LIMK2: variants seen among roughly 807,000 people sequenced by gnomAD.
The protein encoded by LIMK2 is LIM domain kinase 2.
LIMK2 carries 35 observed loss-of-function variants against 75.7 expected under a neutral mutation model. That is an observed-to-expected ratio of 0.46 (90% CI 0.35 to 0.61). The LOEUF is 0.61. Among genes scored for constraint, LIMK2 ranks in the 20% least tolerant of loss-of-function variants. LIMK2 has a pLI of 0.00. For missense variants in LIMK2, 623 were observed against 831.0 expected (o/e 0.75, Z 3.08); for synonymous variants, 301 against 319.2 (o/e 0.94, Z 0.61).
intron 11 of LIMK2, among the ~76,000 whole-genome samples, chr22:31,269,786 AAAG>A (rs1380235358): frequency 6.6e-6 from 1 of 151,974 alleles, no homozygotes; most frequent in Non-Finnish European, 1.5e-5. Flanking sequence ...AAAAAAAAAA[AAAG>A]AGAGACTGAT....
intron 10 of LIMK2, 83 bp from the exon 11 acceptor site, chr22:31,268,061 G>C: frequency 6.5e-7 from 1 of 1,527,918 alleles, no homozygotes; most frequent in South Asian, 1.1e-5. Context: ...AGGCTTCACT[G>C]GGAGACCACA....
chr22:31,254,211 A>C (rs942902648), intron 2 of LIMK2, among the ~76,000 whole-genome samples: 2 of 152,246 alleles, frequency 1.3e-5, no homozygotes, highest in African/African-American at 4.8e-5. Context: ...AGCTACTTGC[A>C]GCAAACAAAA....
rs1045534999 is a variant in LIMK2 at position 31,277,262 on chromosome 22, G to C, written c.1773-1035G>C. The C allele has an allele frequency of 3.3e-5, 50 of 1,524,746 alleles. No homozygotes were observed. The Admixed American group carries it at 9.7e-4, about 30-fold the overall frequency. The allele number at this position is 1,524,746 out of a possible 1,614,324, so 94.5% of individuals were successfully genotyped here. The stretch of plus-strand genomic sequence containing the variant: ...TGGTTCCATGAGCAGGGCTCCTCGT[G>C]CCCCTGGCCCAGGGGTCTCTTCCCC... On this transcript the variant is annotated intron_variant, in intron 15 of 15. Transcript: ENST00000331728.
intron 11 of LIMK2, among the ~76,000 whole-genome samples, chr22:31,268,567 G>A (rs548949046): frequency 3.4e-4 from 51 of 152,226 alleles, no homozygotes; most frequent in Admixed American, 8.5e-4. Flanking sequence ...GAGTTCTAGC[G>A]GAGCCCTGAA....
chr22:31,276,662 A>G (rs1354256462), intron 15 of LIMK2: 2 of 1,029,256 alleles, frequency 1.9e-6, no homozygotes, highest in Non-Finnish European at 2.3e-6. Flanking sequence ...GAGGGGCCCC[A>G]CGCGCGCACG....
intron 2 of LIMK2, among the ~76,000 whole-genome samples, chr22:31,245,087 C>T (rs2048656440): frequency 6.6e-6 from 1 of 152,180 alleles, no homozygotes; most frequent in Non-Finnish European, 1.5e-5. Flanking sequence ...AGGGTGAGCA[C>T]CTGTTCAGTG....
chr22:31,272,623 C>A lies in LIMK2; in HGVS notation c.1477C>A (p.Arg493Ser). ...APMEKATTKK[R>S]TLRKNDRKKR... is the part of the protein sequence containing the mutation. ...CATGGAGAAGGCCACCACCAAGAAA[C>A]GCACCTTGCGCAAGAACGACCGCAA... is the stretch of plus-strand genomic sequence containing the variant. Residue 493 changes from arginine (R) to serine (S), a missense_variant, in exon 13 of 16, where the codon CGC becomes AGC. This residue lies in a region of LIMK2 where 514 missense variants were observed against 661.3 expected (regional missense o/e 0.78). Coordinates refer to ENST00000331728, the MANE Select transcript of LIMK2 (RefSeq NM_005569.4). The A allele has an allele frequency of 6.2e-7, 1 of 1,614,042 alleles. No individual in the cohort carries two copies. The highest frequency in any genetic ancestry group is 8.5e-7 in the Non-Finnish European group (1 of 1,179,986).
At chr22:31,246,468 ATAATGACACAAT>A (rs2048671236) in intron 2 of LIMK2, among the ~76,000 whole-genome samples, 1 of 152,168 alleles carries the variant, frequency 6.6e-6, no homozygotes, top group Admixed American at 6.5e-5. Context: ...CTTTTGCCCT[ATAATGACACAAT>A]TGAGTGGCCA....
chr22:31,255,633 C>G (rs1288121325), intron 2 of LIMK2, among the ~76,000 whole-genome samples: 1 of 152,192 alleles, frequency 6.6e-6, no homozygotes, highest in African/African-American at 2.4e-5. Flanking sequence ...GGCCTCTCAC[C>G]TTGCATTGTT....
intron 2 of LIMK2, among the ~76,000 whole-genome samples, chr22:31,247,196 A>T (rs1387285565): frequency 6.6e-6 from 1 of 151,470 alleles, no homozygotes; most frequent in African/African-American, 2.4e-5. Context: ...CACTGCCCCA[A>T]ATCCAGTAGT....
chr22:31,266,050 G>C lies in LIMK2; in HGVS notation c.959G>C (p.Ser320Thr), dbSNP rs781371685. ...TCAGAATCCCTTCGTTGTTCCAGCA[G>C]CTATTCACAGCAGATCTTCCGGCCC... ...SRSESLRCSS[S>T]YSQQIFRPCD... The change falls in exon 8 of 16, where the codon AGC (serine) becomes ACC (threonine). Residue 320 changes from serine to threonine, a missense_variant. Transcript: ENST00000331728. The C allele has an allele frequency of 6.2e-7, 1 of 1,614,238 alleles. No homozygotes were observed. The highest frequency in any genetic ancestry group is 8.5e-7 in the Non-Finnish European group (1 of 1,180,038).
chr22:31,275,465 A>G (rs2049004201), intron 15 of LIMK2, 157 bp downstream of exon 15: 2 of 669,530 alleles, frequency 3.0e-6, no homozygotes, highest in Admixed American at 5.7e-5. Flanking sequence ...ACACATATGT[A>G]CAGGTTGGAG....
At position 31,259,880 on chromosome 22, in the gene LIMK2, TC is replaced by T; in HGVS notation, c.363-8del. On this transcript the variant is annotated splice_polypyrimidine_tract_variant and splice_region_variant and intron_variant, in intron 4 of 15. Coordinates refer to ENST00000331728, the MANE Select transcript of LIMK2 (RefSeq NM_005569.4). ...TAGCATCTTATTCCCCCCTGTGCCC[TC>T]TCCCCAGTGGGAAGTGCCACAATGA... The T allele has an allele frequency of 6.2e-7, 1 of 1,600,106 alleles. No homozygotes were observed. The highest frequency in any genetic ancestry group is 8.5e-7 in the Non-Finnish European group (1 of 1,175,786).
In LIMK2 at chr22:31,275,264, C is replaced by T; in HGVS notation, c.1728C>T (p.Phe576=). 1 of 1,614,240 alleles carries T rather than the reference C, an allele frequency of 6.2e-7. No individual in the cohort carries two copies. The highest frequency in any genetic ancestry group is 8.5e-7 in the Non-Finnish European group (1 of 1,180,048). ...TTCCCACAGATTGTCCCCCGGCCTTCTTCCCGCTGGCCGCCATCTGCTGCA... is the reference window on the plus strand; with the variant it reads ...TTCCCACAGATTGTCCCCCGGCCTTTTTCCCGCTGGCCGCCATCTGCTGCA... The part of the protein sequence containing the change: ...KFVPTDCPPA[F]FPLAAICCRL... Residue 576 remains phenylalanine, a synonymous_variant, in exon 15 of 16, where the codon TTC becomes TTT. Transcript: ENST00000331728.
Position 31,259,973 on chromosome 22 carries a change from T to C in LIMK2, c.447T>C (p.Ser149=). 6.2e-7 allele frequency: 1 copy of C among 1,611,888 alleles called. No homozygotes were observed. Among genetic ancestry groups the C allele is most frequent in the African/African-American group, 1.3e-5 (1 of 74,928 alleles). ...TESVQEQLPY[S]VTLISMPATT... is the part of the protein sequence containing the mutation. ...CTGTTCAGGAGCAGCTGCCCTACTC[T>C]GTCACGCTCATCTCCATGCCGGCCA... Residue 149 remains serine (S), a synonymous_variant, in exon 5 of 16, where the codon TCT becomes TCC. Transcript: ENST00000331728.
At chr22:31,277,762 A>C (rs1268682497) in intron 15 of LIMK2, 1 of 156,840 alleles carries the variant, frequency 6.4e-6, no homozygotes, top group African/African-American at 2.4e-5. Flanking sequence ...CATACAGTAG[A>C]TACAATAAGT....
chr22:31,213,896 A>C (rs1337806607), intron 1 of LIMK2, among the ~76,000 whole-genome samples: 2 of 150,282 alleles, frequency 1.3e-5, no homozygotes, highest in African/African-American at 4.9e-5. Context: ...GCTCATTGCA[A>C]CCTCTGCCTC....
intron 15 of LIMK2, chr22:31,277,280 T>C: frequency 6.7e-7 from 1 of 1,491,126 alleles, no homozygotes; most frequent in Admixed American, 2.6e-5. Context: ...CCCAGGGGTC[T>C]CTTCCCCTGC....
intron 15 of LIMK2, among the ~76,000 whole-genome samples, chr22:31,275,914 C>T (rs2049008919): frequency 1.3e-5 from 2 of 151,976 alleles, no homozygotes; most frequent in South Asian, 2.1e-4. Flanking sequence ...CCAAAGTTAC[C>T]CTAGGTCTTT....
Sources: allele counts gnomAD v4.1 joint callset (sites outside exome capture counted in the v4.1 genomes callset), GRCh38; gene constraint gnomAD v4.1.1; regional missense constraint gnomAD v4.1.1; transcripts MANE v1.5; gene names NCBI Gene and HGNC (gene_info 2026-07-23, HGNC 2026-07-21).